Variants in LRRTM4 observed in about 807,000 individuals in gnomAD.
LRRTM4 encodes leucine-rich repeat transmembrane neuronal protein 4.
A neutral mutation model predicts 47.6 loss-of-function variants in LRRTM4; 25 were observed. The observed-to-expected ratio is 0.53, with a 90% CI of 0.38 to 0.73. The LOEUF (loss-of-function observed/expected upper bound fraction) is 0.73. Among genes scored for constraint, LRRTM4 ranks in the 30% least tolerant of loss-of-function variants. The probability of loss-of-function intolerance (pLI) is 0.00; values close to 1 mark genes in which losing one functional copy is unlikely to be tolerated. For synonymous variants in LRRTM4, 311 were observed against 269.5 expected (o/e 1.15, Z -1.51); for missense variants, 638 against 713.4 (o/e 0.89, Z 1.20).
At chr2:76,755,645 A>C (rs961058832) in intron 3 of LRRTM4, among the ~76,000 whole-genome samples, 2 of 152,166 alleles carry the variant, frequency 1.3e-5, no homozygotes, top group Non-Finnish European at 2.9e-5. Context: ...AGGGCTGGTA[A>C]AGAAGGAGAA....
intron 3 of LRRTM4, among the ~76,000 whole-genome samples, chr2:77,481,175 CT>C (rs1212523746): frequency 6.6e-6 from 1 of 152,116 alleles, no homozygotes; most frequent in Non-Finnish European, 1.5e-5. Flanking sequence ...CTGTACCAAA[CT>C]TTTTTCTAAC....
chr2:77,264,403 A>G (rs1675998075), intron 3 of LRRTM4, among the ~76,000 whole-genome samples: 1 of 152,064 alleles, frequency 6.6e-6, no homozygotes, highest in Admixed American at 6.6e-5. Flanking sequence ...TAATTACCCT[A>G]TCAGATCCAT....
intron 3 of LRRTM4, among the ~76,000 whole-genome samples, chr2:77,468,776 T>C (rs756250540): frequency 5.3e-5 from 8 of 152,120 alleles, no homozygotes; most frequent in Non-Finnish European, 1.2e-4. Flanking sequence ...GGCCAAACTC[T>C]CATGATGTGA....
chr2:76,908,971 T>C (rs1158180926), intron 3 of LRRTM4, among the ~76,000 whole-genome samples: 2 of 152,224 alleles, frequency 1.3e-5, no homozygotes, highest in African/African-American at 4.8e-5. Flanking sequence ...AATGCCTTTC[T>C]TCACAGAATT....
At chr2:77,185,115 G>A in intron 3 of LRRTM4, among the ~76,000 whole-genome samples, 1 of 152,068 alleles carries the variant, frequency 6.6e-6, no homozygotes, top group East Asian at 1.9e-4. Flanking sequence ...TTTCTACAGT[G>A]GGAAGAGATA....
At chr2:77,233,874 C>A (rs1397942596) in intron 3 of LRRTM4, among the ~76,000 whole-genome samples, 1 of 152,122 alleles carries the variant, frequency 6.6e-6, no homozygotes, top group Non-Finnish European at 1.5e-5. Context: ...GCAACCTCCG[C>A]GTCCACCCCT....
At chr2:77,382,193 G>T (rs531556454) in intron 3 of LRRTM4, among the ~76,000 whole-genome samples, 1 of 152,186 alleles carries the variant, frequency 6.6e-6, no homozygotes, top group East Asian at 1.9e-4. Context: ...AAATATGGCA[G>T]ATCTGCTAAA....
intron 3 of LRRTM4, among the ~76,000 whole-genome samples, chr2:77,325,842 C>A (rs994162193): frequency 6.6e-6 from 1 of 152,084 alleles, no homozygotes; most frequent in Non-Finnish European, 1.5e-5. Flanking sequence ...ATTTTTAAAC[C>A]ATTCATAGTT....
At chr2:76,950,030 T>C (rs1476163054) in intron 3 of LRRTM4, among the ~76,000 whole-genome samples, 1 of 151,892 alleles carries the variant, frequency 6.6e-6, no homozygotes, top group Non-Finnish European at 1.5e-5. Context: ...AGCTTGGACA[T>C]GAATGAGTGA....
intron 3 of LRRTM4, among the ~76,000 whole-genome samples, chr2:77,416,173 G>T (rs1003193409): frequency 6.6e-6 from 1 of 151,856 alleles, no homozygotes; most frequent in East Asian, 1.9e-4. Flanking sequence ...CTTTAATATG[G>T]GATAGAATAA....
At chr2:77,165,994 T>G (rs1462696696) in intron 3 of LRRTM4, among the ~76,000 whole-genome samples, 1 of 152,182 alleles carries the variant, frequency 6.6e-6, no homozygotes, top group Non-Finnish European at 1.5e-5. Context: ...TAGAGGGAAT[T>G]CAATTAGGAA....
intron 3 of LRRTM4, among the ~76,000 whole-genome samples, chr2:77,143,218 T>C (rs2103766749): frequency 6.6e-6 from 1 of 152,318 alleles, no homozygotes; most frequent in East Asian, 1.9e-4. Context: ...CCAGAATTCA[T>C]ATCCAGATTG....
intron 3 of LRRTM4, among the ~76,000 whole-genome samples, chr2:77,106,911 G>A (rs905587802): frequency 2.0e-5 from 3 of 151,898 alleles, no homozygotes; most frequent in African/African-American, 7.2e-5. Flanking sequence ...TCTTAGACAT[G>A]TAGAGATTCA....
chr2:77,228,799 C>G (rs1349983119), intron 3 of LRRTM4, among the ~76,000 whole-genome samples: 1 of 152,160 alleles, frequency 6.6e-6, no homozygotes, highest in Non-Finnish European at 1.5e-5. Flanking sequence ...AAGAATCAGA[C>G]CGCTTCACAT....
intron 3 of LRRTM4, among the ~76,000 whole-genome samples, chr2:76,837,697 C>A (rs1671555049): frequency 6.6e-6 from 1 of 152,008 alleles, no homozygotes; most frequent in African/African-American, 2.4e-5. Context: ...AAATGTCCAA[C>A]AATGATAGAC....
Position 77,012,681 on chromosome 2 carries a change from A to C in LRRTM4, c.1552-263765T>G, listed in dbSNP as rs189928398. On this transcript the variant is annotated intron_variant, in intron 3 of 3. Transcript: ENST00000409884. ...TCTAGATATGGAACTGGGACCCAGA[A>C]GCATGAATTGAGTGACCCCCAAACT... 1.8e-3 allele frequency among the ~76,000 whole-genome samples: 278 copies of C among 152,278 alleles called. 1 individual carries two copies. Among genetic ancestry groups the C allele is most frequent in the African/African-American group, 6.0e-3 (248 of 41,568 alleles).
chr2:76,817,088 T>A (rs1288643460), intron 3 of LRRTM4, among the ~76,000 whole-genome samples: 1 of 151,752 alleles, frequency 6.6e-6, no homozygotes, highest in South Asian at 2.1e-4. Flanking sequence ...ATCTAAAGAA[T>A]GAAGTTGGCC....
At chr2:77,032,918 T>C (rs10165007) in intron 3 of LRRTM4, among the ~76,000 whole-genome samples, 16,710 of 152,076 alleles carry the variant, frequency 0.11, 3,086 homozygotes, top group African/African-American at 0.38. Context: ...TATTACACCA[T>C]ACAACATGGT....
intron 3 of LRRTM4, among the ~76,000 whole-genome samples, chr2:77,077,109 C>A (rs1369559421): frequency 6.6e-6 from 1 of 152,070 alleles, no homozygotes; most frequent in Non-Finnish European, 1.5e-5. Context: ...TTAGAATGTA[C>A]ATAGAGTATC....
Sources: allele counts gnomAD v4.1 joint callset (sites outside exome capture counted in the v4.1 genomes callset), GRCh38; gene constraint gnomAD v4.1.1; transcripts MANE v1.5; gene names NCBI Gene and HGNC (gene_info 2026-07-23, HGNC 2026-07-21).